Variants in DLG2 observed in about 807,000 individuals in gnomAD.
DLG2 encodes the protein discs large MAGUK scaffold protein 2.
In DLG2, 45 loss-of-function variants were observed where a neutral mutation model predicts 132.5. The ratio of observed to expected loss-of-function variants is 0.34; its 90% confidence interval spans 0.27 to 0.44. The LOEUF (loss-of-function observed/expected upper bound fraction) is 0.44. Among genes scored for constraint, DLG2 ranks in the 20% least tolerant of loss-of-function variants. DLG2 has a pLI of 1.00. For synonymous variants in DLG2, 424 were observed against 419.6 expected, an observed-to-expected ratio of 1.01 and a Z score of -0.13; for missense variants, 1,045 against 1,196.9, an observed-to-expected ratio of 0.87 and a Z score of 1.87.
chr11:85,566,523 G>A (rs1236856114), intron 3 of DLG2, among the ~76,000 whole-genome samples: 1 of 152,102 alleles, frequency 6.6e-6, no homozygotes, highest in Non-Finnish European at 1.5e-5. Context: ...TGAAATCAGA[G>A]TGCCAGCATG....
intron 7 of DLG2, among the ~76,000 whole-genome samples, chr11:84,534,338 C>A (rs2099350366): frequency 6.6e-6 from 1 of 152,188 alleles, no homozygotes; most frequent in Non-Finnish European, 1.5e-5. Context: ...GCTTTCTTTA[C>A]TCCATTCTCA....
intron 3 of DLG2, among the ~76,000 whole-genome samples, chr11:85,397,230 A>C (rs538566201): frequency 2.0e-5 from 3 of 152,240 alleles, no homozygotes; most frequent in Non-Finnish European, 4.4e-5. Flanking sequence ...GTGAATGCTG[A>C]GAGATTTTGT....
At chr11:83,888,708 C>T (rs1397937974) in intron 15 of DLG2, among the ~76,000 whole-genome samples, 2 of 152,122 alleles carry the variant, frequency 1.3e-5, no homozygotes, top group Non-Finnish European at 2.9e-5. Context: ...TTGTAGTATA[C>T]TACAAGGCTA....
At chr11:85,139,957 T>G (rs2076360821) in intron 5 of DLG2, among the ~76,000 whole-genome samples, 1 of 151,968 alleles carries the variant, frequency 6.6e-6, no homozygotes, top group Admixed American at 6.6e-5. Context: ...TAGCATAATG[T>G]CCTCCCAGGC....
chr11:84,530,885 A>G (rs935115041), intron 7 of DLG2, among the ~76,000 whole-genome samples: 1 of 152,218 alleles, frequency 6.6e-6, no homozygotes, highest in African/African-American at 2.4e-5. Flanking sequence ...AATGCCCATC[A>G]ACAGTAGCTG....
chr11:83,899,631 TGTC>T (rs2072841281), intron 15 of DLG2, among the ~76,000 whole-genome samples: 1 of 152,196 alleles, frequency 6.6e-6, no homozygotes, highest in Admixed American at 6.5e-5. Context: ...TCTCTTCTCT[TGTC>T]TGCTGCCATG....
chr11:85,318,257 A>G (rs2080823037), intron 3 of DLG2, among the ~76,000 whole-genome samples: 1 of 151,880 alleles, frequency 6.6e-6, no homozygotes. Flanking sequence ...CCCACACTAA[A>G]TGGACTTCTG....
chr11:83,601,433 C>A (rs1368562944), intron 19 of DLG2, among the ~76,000 whole-genome samples: 3 of 151,452 alleles, frequency 2.0e-5, no homozygotes, highest in Admixed American at 2.0e-4. Context: ...TTTGTTTGAA[C>A]CACCTGTTAG....
intron 16 of DLG2, among the ~76,000 whole-genome samples, chr11:83,857,986 A>C (rs145644270): frequency 1.3e-5 from 2 of 152,250 alleles, no homozygotes; most frequent in African/African-American, 2.4e-5. Flanking sequence ...CCTAAAAGAC[A>C]TCTAAATCTC....
At chr11:85,406,871 T>C (rs1450669373) in intron 3 of DLG2, among the ~76,000 whole-genome samples, 3 of 151,646 alleles carry the variant, frequency 2.0e-5, no homozygotes, top group African/African-American at 7.3e-5. Flanking sequence ...AGGAAGGAAA[T>C]GAAAATGAGG....
intron 6 of DLG2, among the ~76,000 whole-genome samples, chr11:85,067,068 C>T (rs2065038574): frequency 6.6e-6 from 1 of 151,630 alleles, no homozygotes; most frequent in South Asian, 2.1e-4. Flanking sequence ...GGAAAGAAAT[C>T]ACTACATTAA....
At chr11:84,673,867 C>A (rs2099708635) in intron 6 of DLG2, among the ~76,000 whole-genome samples, 1 of 152,106 alleles carries the variant, frequency 6.6e-6, no homozygotes, top group Non-Finnish European at 1.5e-5. Flanking sequence ...CTGCAACTTA[C>A]AACAACTCAG....
chr11:84,308,400 A>G (rs1666647217), intron 7 of DLG2, among the ~76,000 whole-genome samples: 1 of 152,182 alleles, frequency 6.6e-6, no homozygotes, highest in Non-Finnish European at 1.5e-5. Context: ...AGCTAGATAC[A>G]TAGTGCCCAT....
intron 11 of DLG2, among the ~76,000 whole-genome samples, chr11:84,027,151 C>G (rs1169776774): frequency 6.6e-6 from 1 of 151,912 alleles, no homozygotes; most frequent in Non-Finnish European, 1.5e-5. Flanking sequence ...AACTATTGAC[C>G]CCAAGGGCAC....
intron 11 of DLG2, among the ~76,000 whole-genome samples, chr11:84,037,350 T>C (rs2095895309): frequency 6.6e-6 from 1 of 152,084 alleles, no homozygotes; most frequent in Non-Finnish European, 1.5e-5. Flanking sequence ...TGGGAAAGAA[T>C]AGAGTATCAA....
At chr11:84,232,860 T>C (rs1460715955) in intron 8 of DLG2, among the ~76,000 whole-genome samples, 2 of 152,174 alleles carry the variant, frequency 1.3e-5, no homozygotes. Flanking sequence ...ATCAAGGCCA[T>C]GATATAGGAG....
chr11:83,721,193 C>T (rs2088450923), intron 18 of DLG2, among the ~76,000 whole-genome samples: 1 of 152,114 alleles, frequency 6.6e-6, no homozygotes, highest in Non-Finnish European at 1.5e-5. Context: ...CTTAAAAGGA[C>T]ACTATAAGAC....
intron 6 of DLG2, among the ~76,000 whole-genome samples, chr11:84,777,542 G>A (rs72945878): frequency 0.022 from 3,375 of 151,556 alleles, 41 homozygotes; most frequent in Middle Eastern, 0.068. Context: ...TTCCATAGAG[G>A]TTGGACTAAT....
intron 3 of DLG2, among the ~76,000 whole-genome samples, chr11:85,354,755 A>G (rs1403233040): frequency 6.6e-6 from 1 of 151,932 alleles, no homozygotes; most frequent in East Asian, 1.9e-4. Context: ...TCACACACAC[A>G]CACACACATA....
Sources: gnomAD v4.1 joint callset for allele counts (sites outside exome capture counted in the v4.1 genomes callset) on GRCh38, gnomAD v4.1.1 for gene constraint, MANE v1.5 for transcripts, NCBI Gene and HGNC (gene_info 2026-07-23, HGNC 2026-07-21) for gene names.